The following SLC25A16 variants were observed in gnomAD, a reference collection of about 807,000 sequenced individuals.
SLC25A16 encodes the protein mitochondrial coenzyme A transporter SLC25A16.
Under a neutral mutation model 41.5 loss-of-function variants are expected in SLC25A16, and 39 were observed. The ratio of observed to expected loss-of-function variants is 0.94; its 90% CI spans 0.73 to 1.23. SLC25A16 has a LOEUF of 1.23. SLC25A16 is among the 50% of genes most tolerant of loss of function. The probability of loss-of-function intolerance (pLI) is 0.00; values close to 1 mark genes in which losing one functional copy is unlikely to be tolerated. For missense variants in SLC25A16, 421 were observed against 426.9 expected, an observed-to-expected ratio of 0.99 and a Z score of 0.12; for synonymous variants, 146 against 147.8, an observed-to-expected ratio of 0.99 and a Z score of 0.09.
intron 4 of SLC25A16, among the ~76,000 whole-genome samples, chr10:68,501,541 G>A (rs1416912218): frequency 6.6e-6 from 1 of 151,170 alleles, no homozygotes; most frequent in East Asian, 2.0e-4. Flanking sequence ...GAGGAGAAGA[G>A]GAGAGGAGAG....
rs529894989 is a variant in SLC25A16 at position 68,478,086 on chromosome 10, T to G, written c.*5346A>C. The G allele has an allele frequency of 9.2e-5, 14 of 152,328 alleles. No homozygotes were observed. The highest frequency in any genetic ancestry group is 2.0e-4 in the Admixed American group (3 of 15,286). 9.4% of individuals were successfully genotyped at this position (152,328 alleles called of 1,614,324 possible). On this transcript the variant is annotated 3_prime_UTR_variant, in exon 9 of 9. Transcript: ENST00000609923. ...TGAACAGTGTATTACTGTATTAAAG[T>G]ATAGCATCATAGCTAAAAGAATAGG...
chr10:68,507,034 ATGCAAGGTCCAGGTT>A (rs1027239668), intron 2 of SLC25A16, among the ~76,000 whole-genome samples: 3 of 150,678 alleles, frequency 2.0e-5, no homozygotes, highest in African/African-American at 7.3e-5. Context: ...ATAGAAATAT[ATGCAAGGTCCAGGTT>A]TGCACTAAAG....
rs183779279 is a variant in SLC25A16 at position 68,478,171 on chromosome 10, A to T, written c.*5261T>A. The T allele has an allele frequency of 5.1e-4, 77 of 152,344 alleles. No individual in the cohort carries two copies. The highest frequency in any genetic ancestry group is 1.9e-3 in the African/African-American group (77 of 41,582). 9.4% of individuals were successfully genotyped at this position (152,344 alleles called of 1,614,324 possible). On this transcript the variant is annotated 3_prime_UTR_variant, in exon 9 of 9. Coordinates refer to ENST00000609923, the MANE Select transcript of SLC25A16 (RefSeq NM_152707.4). ...ATCTGCCACTTACATGAACCTGGCC[A>T]AGTAATTTAATCTCCCTAGGCCTCG...
chr10:68,496,959 C>T lies in SLC25A16; in HGVS notation c.422-3389G>A, dbSNP rs753068532. Among the ~76,000 whole-genome samples, 53 of 152,098 alleles carry T rather than the reference C, an allele frequency of 3.5e-4. 1 individual carries two copies. The highest frequency in any genetic ancestry group is 5.7e-4 in the Non-Finnish European group (39 of 68,006). ...CTAAGTTGCTGGGATCACAGGTGTG[C>T]ATCACCTGACCTAGCTACAAAGGAT... On this transcript the variant is annotated intron_variant, in intron 4 of 8. Transcript: ENST00000609923.
At chr10:68,522,170 A>AC (rs962991184) in intron 1 of SLC25A16, among the ~76,000 whole-genome samples, 3 of 152,016 alleles carry the variant, frequency 2.0e-5, no homozygotes, top group African/African-American at 7.2e-5. Context: ...CTCAAAAAAA[A>AC]AAAAGAAAAA....
Position 68,483,432 on chromosome 10 carries a change from T to C in SLC25A16, c.999A>G (p.Ter333=). The change falls in exon 9 of 9, where the codon TAA becomes TAG. Residue 333 remains the stop codon, a stop_retained_variant. Transcript: ENST00000609923. The part of the protein sequence containing the change: ...ELMKQFFHLN[*] Reference sequence around the variant, plus strand: ...AAGAAAAACCAACCATAATTTTTTTTTAGTTGAGGTGAAAAAACTGCTTCA... The same window carrying C: ...AAGAAAAACCAACCATAATTTTTTTCTAGTTGAGGTGAAAAAACTGCTTCA... The C allele has an allele frequency of 1.3e-6, 2 of 1,568,498 alleles. No homozygotes were observed. Among genetic ancestry groups the C allele is most frequent in the Non-Finnish European group, 8.6e-7 (1 of 1,159,180 alleles).
At position 68,516,795 on chromosome 10, in the gene SLC25A16, A is replaced by G; in HGVS notation, c.179T>C (p.Val60Ala). ...AKTTVAPLDR[V>A]KVLLQAHNHH... The stretch of plus-strand genomic sequence containing the variant: ...ATTGTGAGCTTGTAATAAAACCTTT[A>G]CTCGATCCAATGGAGCAACTGTTGT... Residue 60 changes from valine to alanine, a missense_variant, in exon 2 of 9, where the codon GTA (valine) becomes GCA (alanine). Val to Ala is a moderately conservative substitution (Grantham distance 64). Coordinates refer to ENST00000609923, the MANE Select transcript of SLC25A16 (RefSeq NM_152707.4). The G allele has an allele frequency of 2.5e-6, 4 of 1,613,334 alleles. No individual in the cohort carries two copies. Among genetic ancestry groups the G allele is most frequent in the Non-Finnish European group, 3.4e-6 (4 of 1,179,552 alleles).
At chr10:68,493,704 A>T in intron 4 of SLC25A16, 134 bp from the exon 5 acceptor site, 1 of 693,836 alleles carries the variant, frequency 1.4e-6, no homozygotes, top group East Asian at 2.7e-5. Context: ...TTACTGACAG[A>T]ATTATACCAT....
Position 68,479,943 on chromosome 10 carries a change from GGAGATTGCAGTGAGCC to G in SLC25A16, c.*3473_*3488del, listed in dbSNP as rs973041445. The G allele has an allele frequency of 1.3e-5, 2 of 151,804 alleles. No homozygotes were observed. The highest frequency in any genetic ancestry group is 4.8e-5 in the African/African-American group (2 of 41,282). 9.4% of individuals were successfully genotyped at this position (151,804 alleles called of 1,614,324 possible). A position where few individuals can be genotyped will look rare whatever the true frequency, so the allele number is the denominator to read the frequency against. On this transcript the variant is annotated 3_prime_UTR_variant, in exon 9 of 9. Transcript: ENST00000609923. ...GGGAAAATCGCTTGAACCCGGAGGT[GGAGATTGCAGTGAGCC>G]GAGATTGCACCACTGCACTCCAGCT...
intron 1 of SLC25A16, chr10:68,517,412 T>C (rs2053177655): frequency 1.4e-5 from 3 of 207,352 alleles, no homozygotes; most frequent in Non-Finnish European, 2.5e-5. Flanking sequence ...ACATGGGCTT[T>C]AGCATAGGTC....
chr10:68,511,860 ATT>A (rs1252932932), intron 2 of SLC25A16, among the ~76,000 whole-genome samples: 1 of 144,772 alleles, frequency 6.9e-6, no homozygotes, highest in Non-Finnish European at 1.5e-5. Flanking sequence ...CATGCATTTA[ATT>A]TTTTTTTTTT....
rs2052753635 is a variant in SLC25A16 at position 68,496,644 on chromosome 10, T to A, written c.422-3074A>T. ...AAGATAAATCTAAACAAAGTCAGAC[T>A]TTTTTCTCTAAATTCTCATCATCTT... On this transcript the variant is annotated intron_variant, in intron 4 of 8. Coordinates refer to ENST00000609923, the MANE Select transcript of SLC25A16 (RefSeq NM_152707.4). 4.1e-6 allele frequency: 4 copies of A among 980,634 alleles called. 1 individual carries two copies. In the South Asian group the frequency reaches 1.4e-4, roughly 35 times the overall value. The allele number at this position is 980,634 out of a possible 1,614,324, so 60.7% of individuals were successfully genotyped here.
At chr10:68,499,863 G>T in intron 4 of SLC25A16, 1 of 538,278 alleles carries the variant, frequency 1.9e-6, no homozygotes, top group South Asian at 1.6e-5. Flanking sequence ...GGATAAAACT[G>T]AACAAAGACG....
At chr10:68,493,323 T>G (rs1051160190) in intron 5 of SLC25A16, 125 bp from the exon 6 acceptor site, 15 of 1,132,790 alleles carry the variant, frequency 1.3e-5, no homozygotes, top group Admixed American at 2.1e-5. Flanking sequence ...CAAAGATGTG[T>G]TTTCGTAATT....
Position 68,496,382 on chromosome 10 carries a change from A to C in SLC25A16, c.422-2812T>G, listed in dbSNP as rs532497719. On this transcript the variant is annotated intron_variant, in intron 4 of 8. Coordinates refer to ENST00000609923, the MANE Select transcript of SLC25A16 (RefSeq NM_152707.4). ...TATTCTACCTAACACTTCTTTTAAG[A>C]AGGCCAAAAAAGCCCTCGATGTACA... The C allele has an allele frequency of 2.3e-4, 129 of 569,532 alleles. No individual in the cohort carries two copies. In the African/African-American group the frequency reaches 2.6e-3, roughly 11 times the overall value. The allele number at this position is 569,532 out of a possible 1,614,324, so 35.3% of individuals were successfully genotyped here.
intron 2 of SLC25A16, among the ~76,000 whole-genome samples, chr10:68,509,746 TATATATAG>T (rs1232506209): frequency 9.0e-5 from 13 of 143,992 alleles, no homozygotes; most frequent in East Asian, 2.0e-4. Flanking sequence ...TATATATCTA[TATATATAG>T]ATATATAGAT....
chr10:68,526,414 T>C (rs1276905215), intron 1 of SLC25A16, among the ~76,000 whole-genome samples: 2 of 152,166 alleles, frequency 1.3e-5, no homozygotes, highest in African/African-American at 4.8e-5. Flanking sequence ...ACAATTGTCT[T>C]GTGACCCTGA....
chr10:68,493,434 G>A lies in SLC25A16; in HGVS notation c.543+15C>T, dbSNP rs750422356. 1 of 1,608,164 alleles carries A rather than the reference G, an allele frequency of 6.2e-7. No homozygotes were observed. The highest frequency in any genetic ancestry group is 8.5e-7 in the Non-Finnish European group (1 of 1,174,778). On this transcript the variant is annotated intron_variant, in intron 5 of 8. Coordinates refer to ENST00000609923, the MANE Select transcript of SLC25A16 (RefSeq NM_152707.4). ...AAAGGGCATGTTATAGATGAGGAAGGTAAATATGAAATACCTTTGCATAAA... is the reference window on the plus strand; with the variant it reads ...AAAGGGCATGTTATAGATGAGGAAGATAAATATGAAATACCTTTGCATAAA...
chr10:68,506,237 G>C (rs533718444), intron 3 of SLC25A16, among the ~76,000 whole-genome samples: 1 of 152,058 alleles, frequency 6.6e-6, no homozygotes, highest in Non-Finnish European at 1.5e-5. Context: ...GGGAGGCCAG[G>C]AGTTTGAGAC....
Sources: gnomAD v4.1 joint callset for allele counts (sites outside exome capture counted in the v4.1 genomes callset) on GRCh38, gnomAD v4.1.1 for gene constraint, MANE v1.5 for transcripts, NCBI Gene and HGNC (gene_info 2026-07-23, HGNC 2026-07-21) for gene names.